IPO4: variants seen among roughly 807,000 people sequenced by gnomAD.
IPO4 encodes the protein importin-4.
IPO4 carries 91 observed loss-of-function variants against 133.5 expected under a neutral mutation model. That is an observed-to-expected ratio of 0.68 (90% CI 0.58 to 0.81). IPO4 has a LOEUF of 0.81. Ranked by LOEUF, IPO4 falls within the 30% of genes least tolerant of loss-of-function variation. The pLI, the probability that IPO4 is intolerant of heterozygous loss-of-function variation, is 0.00. For missense variants in IPO4, 1,279 were observed against 1,386.2 expected (o/e 0.92, Z 1.23); for synonymous variants, 607 against 581.6 (o/e 1.04, Z -0.63).
chr14:24,185,336 C>T (rs775568744), intron 13 of IPO4, 24 bp from the exon 14 acceptor site: 31 of 1,613,756 alleles, frequency 1.9e-5, no homozygotes, highest in Non-Finnish European at 2.6e-5. Context: ...CAAGCAGGGC[C>T]TGAGTCAGGT....
rs1438437093 is a variant in IPO4 at position 24,187,074 on chromosome 14, C to T, written c.654+11G>A. ...CTCCTTCCAACAGAGCTCCTGCCCA[C>T]CTGTCCTCACCTCATCTATGGGGAT... is the stretch of plus-strand genomic sequence containing the variant. On this transcript the variant is annotated intron_variant, in intron 7 of 29. Coordinates refer to ENST00000354464, the MANE Select transcript of IPO4 (RefSeq NM_024658.4). The T allele has an allele frequency of 1.2e-5, 19 of 1,613,628 alleles. No individual in the cohort carries two copies. The highest frequency in any genetic ancestry group is 1.5e-5 in the Non-Finnish European group (18 of 1,179,670).
At position 24,183,616 on chromosome 14, in the gene IPO4, G is replaced by C; in HGVS notation, c.2037C>G (p.Ala679=). The change falls in exon 20 of 30, where the codon GCC becomes GCG. Residue 679 remains alanine, a synonymous_variant. Transcript: ENST00000354464. ...FFDEKEDTCA[A]VGEISVNTSV... ...TGGTGTTCACAGAGATCTCCCCCAC[G>C]GCAGCACAGGTGTCTTCCTTCTCAT... The C allele has an allele frequency of 1.2e-6, 2 of 1,614,090 alleles. No homozygotes were observed. Among genetic ancestry groups the C allele is most frequent in the Non-Finnish European group, 1.7e-6 (2 of 1,180,006 alleles).
chr14:24,180,630 C>T lies in IPO4; in HGVS notation c.3116-58G>A. The T allele has an allele frequency of 8.1e-6, 13 of 1,612,730 alleles. No individual in the cohort carries two copies. In the South Asian group the frequency reaches 1.3e-4, roughly 16 times the overall value. Reference sequence around the variant, plus strand: ...TCCTAAAGCCTCGCTGCCCCAGGCTCTCTGAGCCCTGCCACTCCCAGCCTC... The same window carrying T: ...TCCTAAAGCCTCGCTGCCCCAGGCTTTCTGAGCCCTGCCACTCCCAGCCTC... On this transcript the variant is annotated intron_variant, in intron 29 of 29. Coordinates refer to ENST00000354464, the MANE Select transcript of IPO4 (RefSeq NM_024658.4).
Position 24,184,731 on chromosome 14 carries a change from A to G in IPO4, c.1555T>C (p.Phe519Leu). ...TAAQASLLPY[F>L]PAIMEHLREF... The stretch of plus-strand genomic sequence containing the variant: ...CGCAGGTGCTCCATGATGGCAGGGA[A>G]GTAGGGCAGCAGCGAGGCCTGGGCA... The change falls in exon 16 of 30, where the codon TTC becomes CTC. Residue 519 changes from phenylalanine to leucine, a missense_variant. Transcript: ENST00000354464. The G allele has an allele frequency of 6.2e-7, 1 of 1,613,414 alleles. No individual in the cohort carries two copies. Among genetic ancestry groups the G allele is most frequent in the Non-Finnish European group, 8.5e-7 (1 of 1,179,682 alleles).
At position 24,186,097 on chromosome 14, in the gene IPO4, T is replaced by C. The variant is rs533859770; in HGVS notation, c.1059+32A>G. 1.2e-5 allele frequency: 19 copies of C among 1,610,832 alleles called. No individual in the cohort carries two copies. The East Asian group carries it at 2.0e-4, about 17-fold the overall frequency. ...CAGGGGGACTAGGCACACTTGGAGG[T>C]AGGGACACCAGAAGGACAGAGCCAC... On this transcript the variant is annotated intron_variant, in intron 11 of 29. Coordinates refer to ENST00000354464, the MANE Select transcript of IPO4 (RefSeq NM_024658.4).
At position 24,187,230 on chromosome 14, in the gene IPO4, G is replaced by T. The variant is rs542468744; in HGVS notation, c.589-80C>A. The T allele has an allele frequency of 4.5e-5, 69 of 1,531,056 alleles. 1 individual carries two copies. The South Asian group carries it at 7.4e-4, about 16-fold the overall frequency. The allele number at this position is 1,531,056 out of a possible 1,614,324, so 94.8% of individuals were successfully genotyped here. A position where few individuals can be genotyped will look rare whatever the true frequency, so the allele number is the denominator to read the frequency against. ...TGGCAGCTTCCTCACAGCCTGAATT[G>T]CGAGGAGGAGCCCAGGCATAACAGC... On this transcript the variant is annotated intron_variant, in intron 6 of 29. Coordinates refer to ENST00000354464, the MANE Select transcript of IPO4 (RefSeq NM_024658.4).
At chr14:24,182,425 T>C in intron 24 of IPO4, 22 bp from the exon 25 acceptor site, 1 of 1,600,104 alleles carries the variant, frequency 6.2e-7, no homozygotes, top group Non-Finnish European at 8.5e-7. Context: ...GGTCAGGGGC[T>C]GGAGCACCAG....
intron 12 of IPO4, 137 bp from the exon 13 acceptor site, chr14:24,185,704 A>G (rs2039210228): frequency 2.1e-6 from 2 of 936,564 alleles, no homozygotes; most frequent in Non-Finnish European, 3.4e-6. Flanking sequence ...CCTGGTCCCT[A>G]TAGCTGGTAA....
rs929736941 is a variant in IPO4, at chr14:24,180,370, T to G, written c.*72A>C. 7 of 1,549,726 alleles carry G rather than the reference T, an allele frequency of 4.5e-6. No homozygotes were observed. The African/African-American group carries it at 9.5e-5, about 21-fold the overall frequency. The stretch of plus-strand genomic sequence containing the variant: ...CTCAGAATCTTTGGTAAGGCAGAAC[T>G]GAACTGGGCTGAGAGGTGGTCTTAA... On this transcript the variant is annotated 3_prime_UTR_variant, in exon 30 of 30. Transcript: ENST00000354464.
chr14:24,183,409 G>A (rs1308605013), intron 21 of IPO4, 47 bp downstream of exon 21: 1 of 1,594,058 alleles, frequency 6.3e-7, no homozygotes, highest in Non-Finnish European at 8.6e-7. Flanking sequence ...TGAACACAGG[G>A]CCCCCAGCCT....
Position 24,188,733 on chromosome 14 carries a change from C to A in IPO4, c.55G>T (p.Glu19Ter), listed in dbSNP as rs746325069. 2 of 1,556,152 alleles carry A rather than the reference C, an allele frequency of 1.3e-6. No individual in the cohort carries two copies. The highest frequency in any genetic ancestry group is 1.2e-5 in the South Asian group (1 of 83,604). ...LLRELLLPDT[E>*]RIRRATEQLQ... Reference sequence around the variant, plus strand: ...CTGCTCCGTACCCGACGGATGCGCTCGGTGTCCGGTAGCAGCAGCTCCCGT... The same window carrying A: ...CTGCTCCGTACCCGACGGATGCGCTAGGTGTCCGGTAGCAGCAGCTCCCGT... Residue 19 changes from glutamate to a stop codon, truncating the protein, a stop_gained, in exon 1 of 30, where the codon GAG becomes TAG. Transcript: ENST00000354464. LOFTEE classifies it high-confidence loss of function.
In IPO4 at chr14:24,182,084, G is replaced by A. The variant is rs1566641485; in HGVS notation, c.2678C>T (p.Ser893Leu). The change falls in exon 26 of 30, where the codon TCA (serine) becomes TTA (leucine). Residue 893 changes from serine to leucine, a missense_variant. By Grantham distance (145) the Ser-to-Leu change is moderately radical (BLOSUM62 -2). Coordinates refer to ENST00000354464, the MANE Select transcript of IPO4 (RefSeq NM_024658.4). ...GAGCAGCCGAGACACAAACTGGGCT[G>A]AGGCAGCACCCAGGCCCTGAATAGT... ...AETIQGLGAA[S>L]AQFVSRLLPV... The A allele has an allele frequency of 6.2e-7, 1 of 1,614,044 alleles. No individual in the cohort carries two copies. The highest frequency in any genetic ancestry group is 8.5e-7 in the Non-Finnish European group (1 of 1,180,034).
At position 24,188,388 on chromosome 14, in the gene IPO4, T is replaced by C. The variant is rs900799939; in HGVS notation, c.192A>G (p.Arg64=). Residue 64 remains arginine, a synonymous_variant, in exon 3 of 30, where the codon CGA becomes CGG. Coordinates refer to ENST00000354464, the MANE Select transcript of IPO4 (RefSeq NM_024658.4). ...CCAGCCGTCGCCAGCGGGTGTTCAG[T>C]CGTCTGCGGGTCAGCACGGCCGCAA... ...RQFAAVLTRR[R]LNTRWRRLAA... is the part of the protein sequence containing the mutation. 20 of 1,612,834 alleles carry C rather than the reference T, an allele frequency of 1.2e-5. No individual in the cohort carries two copies. The highest frequency in any genetic ancestry group is 4.0e-5 in the African/African-American group (3 of 74,928).
intron 3 of IPO4, 24 bp downstream of exon 3, chr14:24,188,320 C>T (rs2039256703): frequency 1.2e-6 from 2 of 1,613,066 alleles, no homozygotes; most frequent in African/African-American, 1.3e-5. Context: ...CGCCTGGCCC[C>T]GCCCCACCCC....
In IPO4 at chr14:24,188,756, C is replaced by G; in HGVS notation, c.32G>C (p.Arg11Pro). Residue 11 changes from arginine (R) to proline (P), a missense_variant, in exon 1 of 30, where the codon CGG becomes CCG. Arg to Pro is a moderately radical substitution (Grantham distance 103). Around this residue, in one of 3 missense-constraint regions of IPO4, gnomAD observed 695 missense variants for 704.1 expected, o/e 0.99. Coordinates refer to ENST00000354464, the MANE Select transcript of IPO4 (RefSeq NM_024658.4). ...CTCGGTGTCCGGTAGCAGCAGCTCC[C>G]GTAGGAGCTGCTCTAGCCCGGCTGA... Reference protein sequence around the residue: MESAGLEQLLRELLLPDTERI... With the variant: MESAGLEQLLPELLLPDTERI... The G allele has an allele frequency of 1.3e-6, 2 of 1,534,166 alleles. No individual in the cohort carries two copies. Among genetic ancestry groups the G allele is most frequent in the Non-Finnish European group, 1.8e-6 (2 of 1,141,296 alleles).
At position 24,186,785 on chromosome 14, in the gene IPO4, T is replaced by C. The variant is rs373416672; in HGVS notation, c.763A>G (p.Arg255Gly). ...ATCGCATTGCCCAGGGCCACATTTC[T>C]AGCTACCTGTCCACAGAATAATAAA... ...EVLTFCLEVA[R>G]NVALGNAIRI... Residue 255 changes from arginine to glycine, a missense_variant, in exon 9 of 30, where the codon AGA becomes GGA. Transcript: ENST00000354464. 1 of 1,614,010 alleles carries C rather than the reference T, an allele frequency of 6.2e-7. No individual in the cohort carries two copies. The highest frequency in any genetic ancestry group is 1.3e-5 in the African/African-American group (1 of 74,928).
In IPO4 at chr14:24,182,849, G is replaced by A. The variant is rs374162619; in HGVS notation, c.2422-7C>T. On this transcript the variant is annotated splice_region_variant and splice_polypyrimidine_tract_variant and intron_variant, in intron 23 of 29. Coordinates refer to ENST00000354464, the MANE Select transcript of IPO4 (RefSeq NM_024658.4). ...CAGTATCCTGACAGGCTGTCTACAA[G>A]AAGTAGCTCAACTTAGCGGAGCTTT... 5.3e-5 allele frequency: 86 copies of A among 1,614,012 alleles called. No homozygotes were observed. The highest frequency in any genetic ancestry group is 1.6e-4 in the Middle Eastern group (1 of 6,084).
Position 24,182,963 on chromosome 14 carries a change from C to G in IPO4, c.2421+13G>C, listed in dbSNP as rs746726104. 1.9e-6 allele frequency: 3 copies of G among 1,613,224 alleles called. No homozygotes were observed. Among genetic ancestry groups the G allele is most frequent in the Non-Finnish European group, 2.5e-6 (3 of 1,179,366 alleles). On this transcript the variant is annotated intron_variant, in intron 23 of 29. Coordinates refer to ENST00000354464, the MANE Select transcript of IPO4 (RefSeq NM_024658.4). ...AGCACCTCTCCTTCCCGAAGCCCAC[C>G]TGCCCTGCTCACCTTCCTCTGCAGC...
chr14:24,185,500 C>T lies in IPO4; in HGVS notation c.1237G>A (p.Ala413Thr). The T allele has an allele frequency of 6.2e-7, 1 of 1,614,222 alleles. No individual in the cohort carries two copies. ...LEDPSQVVRN[A>T]ALFALGQFSE... ...AACTGGCCCAGGGCAAACAGCGCAGCATTGCGTACAACTTGCGAGGGGTCC... is the reference window on the plus strand; with the variant it reads ...AACTGGCCCAGGGCAAACAGCGCAGTATTGCGTACAACTTGCGAGGGGTCC... Residue 413 changes from alanine to threonine, a missense_variant, in exon 13 of 30, where the codon GCT (alanine) becomes ACT (threonine). By Grantham distance (58) the Ala-to-Thr change is moderately conservative. This residue lies in a region of IPO4 where 695 missense variants were observed against 704.1 expected (regional missense o/e 0.99). Transcript: ENST00000354464.
Sources: allele counts gnomAD v4.1 joint callset, GRCh38; gene constraint gnomAD v4.1.1; regional missense constraint gnomAD v4.1.1; transcripts MANE v1.5; gene names NCBI Gene and HGNC (gene_info 2026-07-23, HGNC 2026-07-21).